Variants in FAM81A observed in about 807,000 individuals in gnomAD.
FAM81A encodes the protein protein FAM81A.
In FAM81A, 19 loss-of-function variants were observed where a neutral mutation model predicts 46.7. The ratio of observed to expected loss-of-function variants is 0.41; its 90% CI spans 0.28 to 0.60. FAM81A has a LOEUF of 0.60. FAM81A is among the 20% of genes least tolerant of loss of function. FAM81A has a pLI of 0.34. For synonymous variants in FAM81A, 183 were observed against 152.9 expected, an observed-to-expected ratio of 1.20 and a Z score of -1.45; for missense variants, 377 against 453.5, an observed-to-expected ratio of 0.83 and a Z score of 1.53.
intron 8 of FAM81A, among the ~76,000 whole-genome samples, chr15:59,520,749 G>C (rs1567081724): frequency 6.6e-6 from 1 of 152,068 alleles, no homozygotes; most frequent in Non-Finnish European, 1.5e-5. Flanking sequence ...ATTTTTAGTA[G>C]AGACAGGGTT....
intron 4 of FAM81A, among the ~76,000 whole-genome samples, chr15:59,498,821 AT>A (rs1372949407): frequency 6.6e-6 from 1 of 151,968 alleles, no homozygotes; most frequent in Non-Finnish European, 1.5e-5. Flanking sequence ...TGCCCAGCTA[AT>A]TTTTGTATTT....
At chr15:59,448,406 C>G (rs2081374501) in intron 1 of FAM81A, among the ~76,000 whole-genome samples, 1 of 151,816 alleles carries the variant, frequency 6.6e-6, no homozygotes, top group Non-Finnish European at 1.5e-5. Context: ...GTCCTTTAAA[C>G]TCATGAGTCA....
intron 2 of FAM81A, among the ~76,000 whole-genome samples, chr15:59,411,137 T>C (rs1421361428): frequency 2.0e-5 from 3 of 152,202 alleles, no homozygotes; most frequent in Non-Finnish European, 4.4e-5. Flanking sequence ...TTATAATTAC[T>C]TTATTCTAAG....
rs572651180 is a variant in FAM81A at position 59,404,034 on chromosome 15, C to T, written c.-78+1676C>T. 3.6e-4 allele frequency among the ~76,000 whole-genome samples: 55 copies of T among 152,070 alleles called. No homozygotes were observed. The Middle Eastern group carries it at 0.021, about 57-fold the overall frequency. On this transcript the variant is annotated intron_variant, in intron 2 of 4. Coordinates refer to the FAM81A transcript ENST00000558348. ...AGTAGCTGGGACTACAGGCGTGCGC[C>T]ACCATAGCTGGCTAGTTTTTGTATT...
intron 2 of FAM81A, among the ~76,000 whole-genome samples, chr15:59,409,665 G>C (rs1373935564): frequency 6.6e-6 from 1 of 152,168 alleles, no homozygotes; most frequent in South Asian, 2.1e-4. Flanking sequence ...TAGGTGCAAA[G>C]GCTTGGGCAG....
chr15:59,440,566 C>T (rs1211095710), intron 1 of FAM81A, among the ~76,000 whole-genome samples: 1 of 152,226 alleles, frequency 6.6e-6, no homozygotes, highest in East Asian at 1.9e-4. Flanking sequence ...ACATCTATCC[C>T]AGTAGCCTCA....
intron 4 of FAM81A, among the ~76,000 whole-genome samples, chr15:59,496,013 T>A (rs1476422563): frequency 2.0e-5 from 3 of 152,220 alleles, no homozygotes; most frequent in Non-Finnish European, 2.9e-5. Context: ...TAAAAATTTT[T>A]AATCTTGCTT....
chr15:59,500,573 A>G (rs1355134001), intron 4 of FAM81A, among the ~76,000 whole-genome samples: 2 of 152,034 alleles, frequency 1.3e-5, no homozygotes, highest in Non-Finnish European at 2.9e-5. Context: ...AGTTGCTGGG[A>G]TTACAGGTGT....
chr15:59,486,834 C>G (rs912385667), intron 3 of FAM81A, among the ~76,000 whole-genome samples: 1 of 152,006 alleles, frequency 6.6e-6, no homozygotes, highest in Non-Finnish European at 1.5e-5. Context: ...CCCAGACAAA[C>G]AAAAGCTGAG....
In FAM81A at chr15:59,402,512, C is replaced by G. The variant is rs117556609; in HGVS notation, c.-78+154C>G. Among the ~76,000 whole-genome samples the G allele has an allele frequency of 6.3e-3, 962 of 152,132 alleles. 6 individuals are homozygous for G. Among genetic ancestry groups the G allele is most frequent in the Non-Finnish European group, 0.012 (801 of 67,994 alleles). Reference sequence around the variant, plus strand: ...AGTCCCTTACATGTGTTTGGCTTGGCTAGAAGGATATTTTAAATTATTATT... The same window carrying G: ...AGTCCCTTACATGTGTTTGGCTTGGGTAGAAGGATATTTTAAATTATTATT... On this transcript the variant is annotated intron_variant, in intron 2 of 4. Coordinates refer to the FAM81A transcript ENST00000558348.
At chr15:59,441,968 T>A (rs1366072184) in intron 1 of FAM81A, among the ~76,000 whole-genome samples, 1 of 152,182 alleles carries the variant, frequency 6.6e-6, no homozygotes, top group African/African-American at 2.4e-5. Context: ...CTTCCTCTAA[T>A]CCTCACTCCA....
At chr15:59,468,249 T>C (rs2081640344) in intron 3 of FAM81A, among the ~76,000 whole-genome samples, 1 of 152,322 alleles carries the variant, frequency 6.6e-6, no homozygotes, top group Non-Finnish European at 1.5e-5. Flanking sequence ...GATTCCCTCT[T>C]TTTCTACTGA....
At chr15:59,467,018 G>A (rs2081622427) in intron 3 of FAM81A, among the ~76,000 whole-genome samples, 2 of 152,174 alleles carry the variant, frequency 1.3e-5, no homozygotes, top group Non-Finnish European at 2.9e-5. Flanking sequence ...GATGGTTGTA[G>A]ATGTGTGGTA....
chr15:59,508,849 G>A lies in FAM81A; in HGVS notation c.544-14G>A, dbSNP rs546827419. The A allele has an allele frequency of 4.2e-4, 670 of 1,603,878 alleles. 14 individuals carry two copies. The South Asian group carries it at 7.2e-3, about 17-fold the overall frequency. On this transcript the variant is annotated splice_polypyrimidine_tract_variant and intron_variant, in intron 5 of 8. Transcript: ENST00000288228. ...CGTTAGATGTGATATTTATAAGCAAGATTTCTTTTCCAGATTTCTCAGCTT... is the reference window on the plus strand; with the variant it reads ...CGTTAGATGTGATATTTATAAGCAAAATTTCTTTTCCAGATTTCTCAGCTT...
At chr15:59,412,820 T>C (rs1262399074) in intron 2 of FAM81A, among the ~76,000 whole-genome samples, 2 of 151,866 alleles carry the variant, frequency 1.3e-5, no homozygotes, top group African/African-American at 2.4e-5. Flanking sequence ...GGCATCGGGG[T>C]AGGAAGGCAG....
rs144412052 is a variant in FAM81A, at chr15:59,402,742, T to C, written c.-78+384T>C. 8.7e-3 allele frequency among the ~76,000 whole-genome samples: 1,314 copies of C among 151,052 alleles called. 27 individuals carry two copies. Among genetic ancestry groups the C allele is most frequent in the African/African-American group, 0.028 (1,148 of 41,092 alleles). On this transcript the variant is annotated intron_variant, in intron 2 of 4. Transcript: ENST00000558348. ...GGGTGGGGGGGATATTTAGTAGAGA[T>C]GGGGTTTCACCATGTTAGCCAGGCT... is the stretch of plus-strand genomic sequence containing the variant.
intron 1 of FAM81A, chr15:59,446,633 A>G (rs1286852365): frequency 6.6e-6 from 1 of 152,228 alleles, no homozygotes; most frequent in African/African-American, 2.4e-5. Flanking sequence ...ACTCAAGGCC[A>G]TTTTCACAAA....
In FAM81A at chr15:59,512,345, G is replaced by A. The variant is rs558847953; in HGVS notation, c.651-1944G>A. Among the ~76,000 whole-genome samples the A allele has an allele frequency of 3.9e-4, 59 of 151,784 alleles. No homozygotes were observed. The South Asian group carries it at 0.011, about 29-fold the overall frequency. On this transcript the variant is annotated intron_variant, in intron 6 of 8. Coordinates refer to ENST00000288228, the MANE Select transcript of FAM81A (RefSeq NM_152450.3). The stretch of plus-strand genomic sequence containing the variant: ...AAATTAGCTGGGCATGGTGGTGCGC[G>A]CCTGTAGTCCCAGCTATTCAAGAGG...
At chr15:59,504,176 A>G (rs772800018) in intron 4 of FAM81A, among the ~76,000 whole-genome samples, 1 of 152,224 alleles carries the variant, frequency 6.6e-6, no homozygotes, top group African/African-American at 2.4e-5. Context: ...CTTTCCCCAA[A>G]TATGATTTCA....
Sources: gnomAD v4.1 joint callset for allele counts (sites outside exome capture counted in the v4.1 genomes callset) on GRCh38, gnomAD v4.1.1 for gene constraint, MANE v1.5 for transcripts, NCBI Gene and HGNC (gene_info 2026-07-23, HGNC 2026-07-21) for gene names.